Variants in FAM135A observed in about 807,000 individuals in gnomAD.
The protein encoded by FAM135A is protein FAM135A.
FAM135A carries 79 observed loss-of-function variants against 146.8 expected under a neutral mutation model. The observed-to-expected ratio is 0.54, with a 90% confidence interval of 0.45 to 0.65. FAM135A has a LOEUF of 0.65. FAM135A is among the 30% of genes least tolerant of loss of function. The probability of loss-of-function intolerance (pLI) is 0.00; values close to 1 mark genes in which losing one functional copy is unlikely to be tolerated. For missense variants in FAM135A, 1,623 were observed against 1,758.2 expected (o/e 0.92, Z 1.38); for synonymous variants, 562 against 603.6 (o/e 0.93, Z 1.01).
At chr6:70,522,470 T>C (rs758029477) in intron 12 of FAM135A, 43 bp from the exon 13 acceptor site, 1 of 1,570,630 alleles carries the variant, frequency 6.4e-7, no homozygotes, top group East Asian at 2.2e-5. Context: ...ATTGACTTTT[T>C]AAATACGTCA....
chr6:70,521,829 G>C (rs1049048088), intron 12 of FAM135A, among the ~76,000 whole-genome samples: 5 of 152,212 alleles, frequency 3.3e-5, no homozygotes, highest in Non-Finnish European at 5.9e-5. Context: ...GATTCAACAT[G>C]TATTTATCAA....
chr6:70,524,610 T>A lies in FAM135A; in HGVS notation c.1526T>A (p.Leu509Ter). ...KTMKSENTKK[L>*]IKQNSKDSVV... ...ATGAAATCTGAAAACACAAAAAAAT[T>A]AATAAAACAGAACTCTAAGGATTCT... is the stretch of plus-strand genomic sequence containing the variant. Residue 509 changes from leucine to a stop codon, truncating the protein, a stop_gained, in exon 15 of 22, where the codon TTA (leucine) becomes TAA (stop). Transcript: ENST00000418814. LOFTEE classifies it high-confidence loss of function. 5.8e-6 allele frequency: 9 copies of A among 1,543,896 alleles called. No individual in the cohort carries two copies. Among genetic ancestry groups the A allele is most frequent in the Non-Finnish European group, 7.9e-6 (9 of 1,145,072 alleles).
chr6:70,493,007 T>G (rs1239231552), intron 11 of FAM135A, among the ~76,000 whole-genome samples: 1 of 152,058 alleles, frequency 6.6e-6, no homozygotes, highest in Non-Finnish European at 1.5e-5. Flanking sequence ...ACAAAAATAC[T>G]CATAAATGTA....
chr6:70,531,563 T>C (rs769985642), intron 16 of FAM135A, among the ~76,000 whole-genome samples: 8 of 152,206 alleles, frequency 5.3e-5, no homozygotes, highest in Non-Finnish European at 1.2e-4. Context: ...CCAATTGAGA[T>C]GTCTAAGATG....
chr6:70,533,665 C>T, intron 17 of FAM135A, 92 bp from the exon 18 acceptor site: 2 of 747,734 alleles, frequency 2.7e-6, no homozygotes, highest in Non-Finnish European at 4.2e-6. Context: ...ACCATACTTT[C>T]AGTACCTAAA....
chr6:70,552,448 G>A (rs1316456962), intron 20 of FAM135A, among the ~76,000 whole-genome samples: 1 of 150,118 alleles, frequency 6.7e-6, no homozygotes, highest in Non-Finnish European at 1.5e-5. Flanking sequence ...GTAGTAAAGG[G>A]GGAATAGTTG....
intron 20 of FAM135A, among the ~76,000 whole-genome samples, chr6:70,550,275 C>G (rs1342024734): frequency 6.6e-6 from 1 of 152,162 alleles, no homozygotes; most frequent in East Asian, 1.9e-4. Flanking sequence ...TGAATTTTTT[C>G]CAAAAGCTTT....
At chr6:70,537,716 G>A (rs866787387) in intron 19 of FAM135A, among the ~76,000 whole-genome samples, 3 of 152,116 alleles carry the variant, frequency 2.0e-5, no homozygotes, top group African/African-American at 7.2e-5. Context: ...CAACTTGAGT[G>A]ATTGAAATTT....
At chr6:70,483,826 T>C (rs1784158820) in intron 10 of FAM135A, among the ~76,000 whole-genome samples, 1 of 152,200 alleles carries the variant, frequency 6.6e-6, no homozygotes, top group Non-Finnish European at 1.5e-5. Context: ...AAACATGTGT[T>C]AATAGCTTTG....
rs1795116035 is a variant in FAM135A, at chr6:70,528,272, T to G, written c.3615-20T>G. On this transcript the variant is annotated intron_variant, in intron 15 of 21. Transcript: ENST00000418814. ...TGAATATGATCCTTAGTAAAGAGTA[T>G]CTTTTGTATTTTGCTTCAGCTTCCT... 6.3e-7 allele frequency: 1 copy of G among 1,591,132 alleles called. No individual in the cohort carries two copies. The highest frequency in any genetic ancestry group is 8.5e-7 in the Non-Finnish European group (1 of 1,171,104).
Position 70,560,679 on chromosome 6 carries a change from G to T in FAM135A, c.*758G>T, listed in dbSNP as rs1801744531. ...ATTTGGTTGGAATTTTTGCTAAATT[G>T]GTAATGTTGCTTGAACTTTATGACT... On this transcript the variant is annotated 3_prime_UTR_variant, in exon 22 of 22. Coordinates refer to ENST00000418814, the MANE Select transcript of FAM135A (RefSeq NM_001162529.3). 6.6e-6 allele frequency: 1 copy of T among 152,394 alleles called. No individual in the cohort carries two copies. Among genetic ancestry groups the T allele is most frequent in the Non-Finnish European group, 1.5e-5 (1 of 67,938 alleles). 9.4% of individuals were successfully genotyped at this position (152,394 alleles called of 1,614,324 possible).
At chr6:70,484,816 G>C (rs1252540925) in intron 10 of FAM135A, among the ~76,000 whole-genome samples, 1 of 152,160 alleles carries the variant, frequency 6.6e-6, no homozygotes, top group Non-Finnish European at 1.5e-5. Context: ...CCACAGTCTG[G>C]GTGTTGGGGT....
chr6:70,427,149 AT>A (rs940573885), intron 3 of FAM135A, among the ~76,000 whole-genome samples: 3 of 152,164 alleles, frequency 2.0e-5, no homozygotes, highest in African/African-American at 7.2e-5. Flanking sequence ...GATTGTTATA[AT>A]TTTTTTTAAA....
In FAM135A at chr6:70,459,718, A is replaced by G. The variant is rs542520086; in HGVS notation, c.157+7147A>G. Among the ~76,000 whole-genome samples, 15 of 152,298 alleles carry G rather than the reference A, an allele frequency of 9.8e-5. No homozygotes were observed. The South Asian group carries it at 1.0e-3, about 11-fold the overall frequency. On this transcript the variant is annotated intron_variant, in intron 5 of 21. Coordinates refer to ENST00000418814, the MANE Select transcript of FAM135A (RefSeq NM_001162529.3). ...GAAAAAAATTTTTTATCAAAATAAT[A>G]TACAGCATATGGTTAAAAGATCAAT...
rs919998102 is a variant in FAM135A at position 70,461,651 on chromosome 6, A to C, written c.157+9080A>C. 9.3e-4 allele frequency among the ~76,000 whole-genome samples: 142 copies of C among 152,226 alleles called. 7 individuals carry two copies. Among genetic ancestry groups the C allele is most frequent in the Non-Finnish European group, 1.5e-5 (1 of 68,044 alleles). ...GTATGACCAAGAGCAAGAAGGAAGA[A>C]CTGAAGAGAAGAAGAGAACTCCCGA... On this transcript the variant is annotated intron_variant, in intron 5 of 21. Coordinates refer to ENST00000418814, the MANE Select transcript of FAM135A (RefSeq NM_001162529.3).
At chr6:70,509,502 T>G (rs905421357) in intron 12 of FAM135A, among the ~76,000 whole-genome samples, 1 of 152,178 alleles carries the variant, frequency 6.6e-6, no homozygotes. Flanking sequence ...GAGACCTTCA[T>G]AGATGGATAG....
intron 12 of FAM135A, among the ~76,000 whole-genome samples, chr6:70,521,494 C>T (rs1793572417): frequency 6.6e-6 from 1 of 152,214 alleles, no homozygotes; most frequent in Non-Finnish European, 1.5e-5. Flanking sequence ...CCACTTCCCT[C>T]ATTGACTTGT....
In FAM135A at chr6:70,486,205, A is replaced by G. The variant is rs776373240; in HGVS notation, c.823+4051A>G. 1.4e-5 allele frequency: 22 copies of G among 1,613,800 alleles called. No individual in the cohort carries two copies. The South Asian group carries it at 1.9e-4, about 14-fold the overall frequency. ...GCAGCTCCTATATGAGCGTCTTCTCAGAAGAAAACAGCTACGAACACAGAA... is the reference window on the plus strand; with the variant it reads ...GCAGCTCCTATATGAGCGTCTTCTCGGAAGAAAACAGCTACGAACACAGAA... On this transcript the variant is annotated intron_variant, in intron 10 of 21. Transcript: ENST00000418814.
intron 7 of FAM135A, 94 bp from the exon 8 acceptor site, chr6:70,477,061 GTAAT>G (rs1228966545): frequency 1.4e-5 from 18 of 1,264,778 alleles, no homozygotes; most frequent in East Asian, 5.3e-5. Context: ...TTTTTAAAAA[GTAAT>G]TAAGTAAATA....
Sources: gnomAD v4.1 joint callset for allele counts (sites outside exome capture counted in the v4.1 genomes callset) on GRCh38, gnomAD v4.1.1 for gene constraint, MANE v1.5 for transcripts, NCBI Gene and HGNC (gene_info 2026-07-23, HGNC 2026-07-21) for gene names.